Variants in HSPG2 observed in about 807,000 individuals in gnomAD.
The protein encoded by HSPG2 is heparan sulfate proteoglycan 2.
HSPG2 carries 278 observed loss-of-function variants against 526.6 expected under a neutral mutation model. The observed-to-expected ratio is 0.53, with a 90% CI of 0.48 to 0.58. The LOEUF (loss-of-function observed/expected upper bound fraction) is 0.58, where lower values mean the gene tolerates loss of function less well. Ranked by LOEUF, HSPG2 falls within the 20% of genes least tolerant of loss-of-function variation. The probability of loss-of-function intolerance (pLI) is 0.00; values close to 1 mark genes in which losing one functional copy is unlikely to be tolerated. For missense variants in HSPG2, 5,354 were observed against 6,099.5 expected, an observed-to-expected ratio of 0.88 and a Z score of 4.07; for synonymous variants, 2,465 against 2,555.4, an observed-to-expected ratio of 0.96 and a Z score of 1.07.
In HSPG2 at chr1:21,887,595, G is replaced by A; in HGVS notation, c.783C>T (p.Thr261=). The change falls in exon 8 of 97, where the codon ACC becomes ACT. Residue 261 remains threonine (T), a synonymous_variant. Transcript: ENST00000374695. This position sits in a 1 kb window ranked among gnomAD's most constrained non-coding sequence, Gnocchi z 5.0. ...TTSLPPRPET[T]IMRQPPVTHA... is the part of the protein sequence containing the mutation. ...GGGTGACTGGTGGCTGTCGCATGATGGTTGTCTCTGGCCGGGGCGGTAAAG... is the reference window on the plus strand; with the variant it reads ...GGGTGACTGGTGGCTGTCGCATGATAGTTGTCTCTGGCCGGGGCGGTAAAG... The A allele has an allele frequency of 1.2e-6, 2 of 1,614,092 alleles. No individual in the cohort carries two copies. Among genetic ancestry groups the A allele is most frequent in the Non-Finnish European group, 1.7e-6 (2 of 1,180,022 alleles).
At position 21,879,126 on chromosome 1, in the gene HSPG2, A is replaced by G; in HGVS notation, c.2344-5T>C. On this transcript the variant is annotated splice_region_variant and splice_polypyrimidine_tract_variant and intron_variant, in intron 17 of 96. Coordinates refer to ENST00000374695, the MANE Select transcript of HSPG2 (RefSeq NM_005529.7). ...CTCCGTGTTGTGCTGGCAATTCTAG[A>G]AGAAGGAGGAGGGTATGGCTCAACT... The G allele has an allele frequency of 6.2e-7, 1 of 1,614,076 alleles. No homozygotes were observed. The highest frequency in any genetic ancestry group is 1.3e-5 in the African/African-American group (1 of 75,034).
chr1:21,937,266 C>G lies in HSPG2; in HGVS notation c.-49G>C. 1.4e-6 allele frequency: 1 copy of G among 718,154 alleles called. No individual in the cohort carries two copies. Among genetic ancestry groups the G allele is most frequent in the Non-Finnish European group, 1.7e-6 (1 of 588,610 alleles). The allele number at this position is 718,154 out of a possible 1,614,324, so 44.5% of individuals were successfully genotyped here. A position where few individuals can be genotyped will look rare whatever the true frequency, so the allele number is the denominator to read the frequency against. ...GCTCGCTCGCTCCGCGCCGCCCGCT[C>G]CGCGCCGCCCGCAGCCGCCCGCTCG... On this transcript the variant is annotated 5_prime_UTR_variant, in exon 1 of 97. Transcript: ENST00000374695.
In HSPG2 at chr1:21,880,674, G is replaced by A; in HGVS notation, c.1980C>T (p.Arg660=). The part of the protein sequence containing the change: ...TPTQPGALNQ[R]QVQFSEEHWV... ...CACCCACCTCAGAGAACTGGACCTG[G>A]CGCTGGTTCAGAGCACCAGGTTGGG... Residue 660 remains arginine, a synonymous_variant, in exon 15 of 97, where the codon CGC becomes CGT. Transcript: ENST00000374695. 1.3e-6 allele frequency: 2 copies of A among 1,595,716 alleles called. No homozygotes were observed. The highest frequency in any genetic ancestry group is 2.3e-5 in the South Asian group (2 of 88,254).
Position 21,865,321 on chromosome 1 carries a change from G to T in HSPG2, c.4359C>A (p.Gly1453=), listed in dbSNP as rs903217886. The change falls in exon 35 of 97, where the codon GGC becomes GGA. Residue 1453 remains glycine (G), a synonymous_variant. Coordinates refer to ENST00000374695, the MANE Select transcript of HSPG2 (RefSeq NM_005529.7). This position sits in a 1 kb window ranked among gnomAD's most constrained non-coding sequence, Gnocchi z 5.4. ...TGATCTCGTAGCTCCTCCTCTCAGG[G>T]CCCTGCAGCGCTGGCTGGGAGGCCA... ...MLVASQPALQ[G]PERRSYEIMF... is the part of the protein sequence containing the mutation. 1 of 1,613,994 alleles carries T rather than the reference G, an allele frequency of 6.2e-7. No individual in the cohort carries two copies. The highest frequency in any genetic ancestry group is 8.5e-7 in the Non-Finnish European group (1 of 1,180,002).
intron 91 of HSPG2, among the ~76,000 whole-genome samples, chr1:21,826,601 C>T (rs183362171): frequency 1.3e-5 from 2 of 152,106 alleles, no homozygotes; most frequent in African/African-American, 4.8e-5. Flanking sequence ...CCTCCACCTC[C>T]CAGGTTCAAG....
In HSPG2 at chr1:21,865,224, G is replaced by T; in HGVS notation, c.4395+61C>A. ...GAGACAGGGTGGGTATCAAAGCCAG[G>T]CTCTGAGTCAGGGTGGAGGGTGGGG... is the stretch of plus-strand genomic sequence containing the variant. On this transcript the variant is annotated intron_variant, in intron 35 of 96. Coordinates refer to ENST00000374695, the MANE Select transcript of HSPG2 (RefSeq NM_005529.7). This position sits in a 1 kb window ranked among gnomAD's most constrained non-coding sequence, Gnocchi z 5.4. The T allele has an allele frequency of 6.4e-7, 1 of 1,567,570 alleles. No homozygotes were observed. The highest frequency in any genetic ancestry group is 8.8e-7 in the Non-Finnish European group (1 of 1,137,546).
chr1:21,833,587 G>A lies in HSPG2; in HGVS notation c.10858C>T (p.Arg3620Cys), dbSNP rs370504935. ...KLDGSLPPDS[R>C]LENNMLMLPS... ...AGCATCAGCATGTTGTTCTCCAGGC[G>A]GCTGTCAGGTGGCAGGCTGCCATCC... is the stretch of plus-strand genomic sequence containing the variant. The change falls in exon 79 of 97, where the codon CGC (arginine) becomes TGC (cysteine). Residue 3620 changes from arginine (R) to cysteine (C), a missense_variant. Coordinates refer to ENST00000374695, the MANE Select transcript of HSPG2 (RefSeq NM_005529.7). 26 of 1,614,088 alleles carry A rather than the reference G, an allele frequency of 1.6e-5. No homozygotes were observed. The East Asian group carries it at 2.9e-4, about 18-fold the overall frequency.
At chr1:21,857,929 C>T (rs937073729) in intron 42 of HSPG2, among the ~76,000 whole-genome samples, 3 of 152,218 alleles carry the variant, frequency 2.0e-5, no homozygotes, top group Non-Finnish European at 4.4e-5. Context: ...CACTGCTGCG[C>T]CTGAGTGCCA....
chr1:21,892,862 CA>C (rs564802827), intron 3 of HSPG2, among the ~76,000 whole-genome samples: 8 of 103,878 alleles, frequency 7.7e-5, no homozygotes, highest in African/African-American at 2.0e-4. Context: ...GACTCCATCT[CA>C]AAAAAAAAAA....
chr1:21,854,855 G>A lies in HSPG2; in HGVS notation c.6126C>T (p.Val2042=). The A allele has an allele frequency of 6.2e-7, 1 of 1,614,048 alleles. No homozygotes were observed. The highest frequency in any genetic ancestry group is 8.5e-7 in the Non-Finnish European group (1 of 1,179,990). The part of the protein sequence containing the change: ...GTAQARIQVV[V]LSASDASPPP... ...TTCCCAGAGAGTCCGTACCTGAAAGGACAACCACTTGGATCCGGGCCTGGG... is the reference window on the plus strand; with the variant it reads ...TTCCCAGAGAGTCCGTACCTGAAAGAACAACCACTTGGATCCGGGCCTGGG... The change falls in exon 48 of 97, where the codon GTC becomes GTT. Residue 2042 remains valine, a synonymous_variant. Coordinates refer to ENST00000374695, the MANE Select transcript of HSPG2 (RefSeq NM_005529.7).
At chr1:21,840,790 C>G (rs2098045387) in intron 71 of HSPG2, among the ~76,000 whole-genome samples, 1 of 152,168 alleles carries the variant, frequency 6.6e-6, no homozygotes, top group Admixed American at 6.6e-5. Flanking sequence ...CCATGCCTGG[C>G]CCTTTCCTTG....
Position 21,855,792 on chromosome 1 carries a change from C to G in HSPG2, c.5696G>C (p.Trp1899Ser), listed in dbSNP as rs1639294429. 6.2e-7 allele frequency: 1 copy of G among 1,613,062 alleles called. No homozygotes were observed. Among genetic ancestry groups the G allele is most frequent in the Admixed American group, 1.7e-5 (1 of 59,948 alleles). ...ATGSPTPTLE[W>S]TGGPGGQLPA... ...CATTCCCATCACGGCCTCACCTGTC[C>G]ACTCGAGGGTGGGCGTGGGGCTCCC... The change falls in exon 45 of 97, where the codon TGG (tryptophan) becomes TCG (serine). Residue 1899 changes from tryptophan (W) to serine (S), a missense_variant. Transcript: ENST00000374695.
chr1:21,840,787 T>C (rs969475612), intron 71 of HSPG2, among the ~76,000 whole-genome samples: 13 of 152,288 alleles, frequency 8.5e-5, no homozygotes, highest in African/African-American at 3.1e-4. Context: ...CCACCATGCC[T>C]GGCCCTTTCC....
In HSPG2 at chr1:21,848,952, G is replaced by C; in HGVS notation, c.7526C>G (p.Ser2509Ter). The change falls in exon 58 of 97, where the codon TCA becomes TGA. Residue 2509 changes from serine (S) to a stop codon, truncating the protein, a stop_gained. Coordinates refer to ENST00000374695, the MANE Select transcript of HSPG2 (RefSeq NM_005529.7). LOFTEE classifies it high-confidence loss of function. The surrounding 1 kb of genome is among the most constrained non-coding windows in gnomAD (Gnocchi z 4.9). ...AAGGACTGAGGCTTCCTGGGTACCT[G>C]AGCTGCCGACCACACGGCACACGTA... ...GEYVCRVVGS[S>*]GTQEASVLVT... 1 of 1,613,926 alleles carries C rather than the reference G, an allele frequency of 6.2e-7. No homozygotes were observed. Among genetic ancestry groups the C allele is most frequent in the Non-Finnish European group, 8.5e-7 (1 of 1,179,994 alleles).
intron 18 of HSPG2, 21 bp downstream of exon 18, chr1:21,878,972 CT>C (rs749134779): frequency 1.4e-4 from 222 of 1,588,246 alleles, no homozygotes; most frequent in East Asian, 5.4e-4. Context: ...CAAACCCCCC[CT>C]GACCCGGAGC....
Position 21,822,312 on chromosome 1 carries a change from CAG to C in HSPG2, c.*1002_*1003del. The C allele has an allele frequency of 1.5e-6, 2 of 1,315,814 alleles. No homozygotes were observed. The highest frequency in any genetic ancestry group is 2.2e-6 in the Non-Finnish European group (2 of 916,524). 81.5% of individuals were successfully genotyped at this position (1,315,814 alleles called of 1,614,324 possible). A position where few individuals can be genotyped will look rare whatever the true frequency, so the allele number is the denominator to read the frequency against. On this transcript the variant is annotated 3_prime_UTR_variant, in exon 97 of 97. Transcript: ENST00000374695. ...CCACAGGAGGGTCCCTTCTAGGACA[CAG>C]AGGCCAGGCGTCCCAACCCCACAGT...
chr1:21,824,171 G>T lies in HSPG2; in HGVS notation c.12849C>A (p.Val4283=). 1 of 1,613,750 alleles carries T rather than the reference G, an allele frequency of 6.2e-7. No individual in the cohort carries two copies. Among genetic ancestry groups the T allele is most frequent in the Non-Finnish European group, 8.5e-7 (1 of 1,180,030 alleles). Residue 4283 remains valine (V), a synonymous_variant, in exon 95 of 97, where the codon GTC becomes GTA. Transcript: ENST00000374695. The surrounding 1 kb of genome is among the most constrained non-coding windows in gnomAD (Gnocchi z 5.9). Reference sequence around the variant, plus strand: ...CGCCGTCATTGATGGGGTCCTCAGAGACCAGGCGGGCCTCCCCACTACCCA... The same window carrying T: ...CGCCGTCATTGATGGGGTCCTCAGATACCAGGCGGGCCTCCCCACTACCCA... ...YQLGSGEARL[V]SEDPINDGEW...
At chr1:21,876,161 C>T in intron 23 of HSPG2, 68 bp downstream of exon 23, 7 of 1,565,498 alleles carry the variant, frequency 4.5e-6, no homozygotes, top group Admixed American at 1.9e-5. Flanking sequence ...GACCCTCCCG[C>T]CTCCAAGCCT....
At chr1:21,881,587 G>A (rs1641513696) in intron 13 of HSPG2, 85 bp from the exon 14 acceptor site, 7 of 1,229,922 alleles carry the variant, frequency 5.7e-6, no homozygotes, top group Non-Finnish European at 8.1e-6. Context: ...CCAGAAAGGT[G>A]GGAAAGTTCT....
Sources: gnomAD v4.1 joint callset for allele counts (sites outside exome capture counted in the v4.1 genomes callset) on GRCh38, gnomAD v4.1.1 for gene constraint, Gnocchi (gnomAD v3.1) non-coding constraint, MANE v1.5 for transcripts, NCBI Gene and HGNC (gene_info 2026-07-23, HGNC 2026-07-21) for gene names.